The following MSI2 variants were observed in gnomAD, a reference collection of about 807,000 sequenced individuals.
MSI2 encodes the protein musashi RNA binding protein 2.
MSI2 carries 17 observed loss-of-function variants against 45.6 expected under a neutral mutation model. The ratio of observed to expected loss-of-function variants is 0.37; its 90% CI spans 0.26 to 0.56. The LOEUF is 0.56. MSI2 is among the 20% of genes least tolerant of loss of function. The pLI is 0.77. For synonymous variants in MSI2, 156 were observed against 158.2 expected, an observed-to-expected ratio of 0.99 and a Z score of 0.11; for missense variants, 293 against 444.2, an observed-to-expected ratio of 0.66 and a Z score of 3.06.
rs987438369 is a variant in MSI2, at chr17:57,552,857, C to T, written c.454+23133C>T. On this transcript the variant is annotated intron_variant, in intron 7 of 13. Transcript: ENST00000284073. This position sits in a 1 kb window ranked among gnomAD's most constrained non-coding sequence, Gnocchi z 4.3. ...AGTGGGGACATAAATATAAACAACC[C>T]GGAAATCACTGCCCCTAGAATTCAC... Among the ~76,000 whole-genome samples the T allele has an allele frequency of 1.3e-5, 2 of 152,142 alleles. No homozygotes were observed. Among genetic ancestry groups the T allele is most frequent in the Non-Finnish European group, 1.5e-5 (1 of 68,028 alleles).
At chr17:57,301,730 C>A (rs1254020564) in intron 5 of MSI2, among the ~76,000 whole-genome samples, 2 of 150,666 alleles carry the variant, frequency 1.3e-5, no homozygotes, top group Non-Finnish European at 2.9e-5. Context: ...TTTGAGTTGC[C>A]GAGTTTAATT....
intron 6 of MSI2, among the ~76,000 whole-genome samples, chr17:57,439,590 G>A (rs934740456): frequency 8.9e-5 from 13 of 146,488 alleles, no homozygotes; most frequent in Non-Finnish European, 1.5e-4. Context: ...GGCATCTCTC[G>A]CTCTGTCGCT....
chr17:57,559,722 A>T (rs2087527331), intron 7 of MSI2, among the ~76,000 whole-genome samples: 1 of 152,268 alleles, frequency 6.6e-6, no homozygotes, highest in Non-Finnish European at 1.5e-5. Context: ...CCTGGTCCCC[A>T]GGAAGCCAAA....
chr17:57,405,955 T>C (rs1346445452), intron 6 of MSI2, among the ~76,000 whole-genome samples: 1 of 152,210 alleles, frequency 6.6e-6, no homozygotes, highest in Non-Finnish European at 1.5e-5. Flanking sequence ...ACTCAGCCCA[T>C]GCTGAGGAGA....
chr17:57,564,859 A>C (rs1019630707), intron 7 of MSI2, among the ~76,000 whole-genome samples: 1 of 152,238 alleles, frequency 6.6e-6, no homozygotes, highest in Non-Finnish European at 1.5e-5. Context: ...ACTTACATAC[A>C]GCCTTTTATC....
intron 5 of MSI2, among the ~76,000 whole-genome samples, chr17:57,276,770 G>A (rs1908881402): frequency 6.6e-6 from 1 of 152,144 alleles, no homozygotes; most frequent in Admixed American, 6.5e-5. Flanking sequence ...CAAATTGGGT[G>A]ACGCTAGAAT....
chr17:57,528,733 A>G (rs2086756735), intron 6 of MSI2, among the ~76,000 whole-genome samples: 1 of 152,160 alleles, frequency 6.6e-6, no homozygotes, highest in Non-Finnish European at 1.5e-5. Flanking sequence ...TCTTCTGATA[A>G]GGACACCAGT....
intron 5 of MSI2, among the ~76,000 whole-genome samples, chr17:57,334,274 C>T (rs549003952): frequency 6.6e-6 from 1 of 152,264 alleles, no homozygotes; most frequent in East Asian, 1.9e-4. Flanking sequence ...TGGCAAAATG[C>T]TGATAAAATC....
chr17:57,596,833 T>C lies in MSI2; in HGVS notation c.455-35T>C. The C allele has an allele frequency of 1.3e-6, 2 of 1,525,870 alleles. No homozygotes were observed. Among genetic ancestry groups the C allele is most frequent in the Non-Finnish European group, 1.8e-6 (2 of 1,100,966 alleles). 94.5% of individuals were successfully genotyped at this position (1,525,870 alleles called of 1,614,324 possible). A position where few individuals can be genotyped will look rare whatever the true frequency, so the allele number is the denominator to read the frequency against. On this transcript the variant is annotated intron_variant, in intron 7 of 13. Coordinates refer to ENST00000284073, the MANE Select transcript of MSI2 (RefSeq NM_138962.4). This position sits in a 1 kb window ranked among gnomAD's most constrained non-coding sequence, Gnocchi z 4.6. Reference sequence around the variant, plus strand: ...CTGCCAGAACTGAACTCACCCCGCCTCTCTTTGTTTTTTCTTCTCTCTCTT... The same window carrying C: ...CTGCCAGAACTGAACTCACCCCGCCCCTCTTTGTTTTTTCTTCTCTCTCTT...
chr17:57,332,490 A>G (rs1811165549), intron 5 of MSI2, among the ~76,000 whole-genome samples: 1 of 152,172 alleles, frequency 6.6e-6, no homozygotes, highest in South Asian at 2.1e-4. Context: ...TGTATTTATA[A>G]TACATCCTTT....
At chr17:57,498,458 T>A (rs780034329) in intron 6 of MSI2, among the ~76,000 whole-genome samples, 7 of 152,284 alleles carry the variant, frequency 4.6e-5, no homozygotes, top group Non-Finnish European at 7.3e-5. Flanking sequence ...TGTTTTGAAC[T>A]GTGAGGTACC....
intron 5 of MSI2, among the ~76,000 whole-genome samples, chr17:57,331,833 C>T (rs185191702): frequency 4.6e-5 from 7 of 152,142 alleles, no homozygotes; most frequent in African/African-American, 1.7e-4. Flanking sequence ...TAAGTTTACA[C>T]CAGTAAAGCT....
the MSI2 span, among the ~76,000 whole-genome samples, chr17:57,695,193 C>T: frequency 6.6e-6 from 1 of 152,100 alleles, no homozygotes; most frequent in Non-Finnish European, 1.5e-5. Context: ...TATTACCTTT[C>T]GAATTAAAAG....
At chr17:57,258,128 G>A (rs879417234) in intron 3 of MSI2, 142 bp from the exon 4 acceptor site, 11 of 669,006 alleles carry the variant, frequency 1.6e-5, no homozygotes, top group Admixed American at 6.6e-5. Flanking sequence ...TAGGCAGGAG[G>A]GGAATTGGAG....
intron 6 of MSI2, among the ~76,000 whole-genome samples, chr17:57,501,253 G>T (rs1005972890): frequency 2.0e-5 from 3 of 152,230 alleles, no homozygotes; most frequent in Non-Finnish European, 4.4e-5. Context: ...CAGGGCCTTA[G>T]TCTGGAGGAA....
chr17:57,380,994 G>A (rs539100565), intron 5 of MSI2, among the ~76,000 whole-genome samples: 1 of 151,990 alleles, frequency 6.6e-6, no homozygotes, highest in African/African-American at 2.4e-5. Flanking sequence ...CATACCCCCA[G>A]CTCCCACACC....
chr17:57,692,233 T>C, the MSI2 span, among the ~76,000 whole-genome samples: 3,148 of 152,312 alleles, frequency 0.021, 81 homozygotes, highest in Non-Finnish European at 0.027. Context: ...TTTTTACATA[T>C]TACTAGATTC....
intron 6 of MSI2, among the ~76,000 whole-genome samples, chr17:57,421,414 G>T (rs2084393430): frequency 6.6e-6 from 1 of 151,984 alleles, no homozygotes; most frequent in Non-Finnish European, 1.5e-5. Flanking sequence ...GGACGGAGTA[G>T]ATCAGAAGGA....
rs2083594784 is a variant in MSI2 at position 57,381,372 on chromosome 17, A to C, written c.313-20007A>C. ...TGAGCCACCGTGCCTGGCCAAACCC[A>C]CCCATTTTTAAATGGCTCATCTCAA... On this transcript the variant is annotated intron_variant, in intron 5 of 13. Transcript: ENST00000284073. Among the ~76,000 whole-genome samples, 5 of 151,852 alleles carry C rather than the reference A, an allele frequency of 3.3e-5. No homozygotes were observed. In the South Asian group the frequency reaches 1.0e-3, roughly 32 times the overall value.
Sources: gnomAD v4.1 joint callset for allele counts (sites outside exome capture counted in the v4.1 genomes callset) on GRCh38, gnomAD v4.1.1 for gene constraint, Gnocchi (gnomAD v3.1) non-coding constraint, MANE v1.5 for transcripts, NCBI Gene and HGNC (gene_info 2026-07-23, HGNC 2026-07-21) for gene names.